The following FKBP10 variants were observed in gnomAD, a reference collection of about 807,000 sequenced individuals.
FKBP10 encodes peptidyl-prolyl cis-trans isomerase FKBP10.
In FKBP10, 34 loss-of-function variants were observed where a neutral mutation model predicts 53.7. The observed-to-expected ratio is 0.63, with a 90% confidence interval of 0.48 to 0.84. FKBP10 has a LOEUF of 0.84. Ranked by LOEUF, FKBP10 falls within the 40% of genes least tolerant of loss-of-function variation. The probability of loss-of-function intolerance (pLI) is 0.00; values close to 1 mark genes in which losing one functional copy is unlikely to be tolerated. For missense variants in FKBP10, 748 were observed against 797.8 expected (o/e 0.94, Z 0.75); for synonymous variants, 324 against 335.7 (o/e 0.97, Z 0.38).
Position 41,813,194 on chromosome 17 carries a change from G to A in FKBP10, c.160G>A (p.Ala54Thr). The A allele has an allele frequency of 1.2e-6, 2 of 1,613,328 alleles. No individual in the cohort carries two copies. The highest frequency in any genetic ancestry group is 1.7e-6 in the Non-Finnish European group (2 of 1,179,972). ...VVIERYHIPR[A>T]CPREVQMGDF... ...CATCGAGAGGTACCACATCCCCAGG[G>A]CCTGTCCCCGGGAAGTGCAGATGGG... Residue 54 changes from alanine to threonine, a missense_variant, in exon 1 of 10, where the codon GCC becomes ACC. By Grantham distance (58) the Ala-to-Thr change is moderately conservative. Coordinates refer to ENST00000321562, the MANE Select transcript of FKBP10 (RefSeq NM_021939.4).
chr17:41,819,881 C>T lies in FKBP10; in HGVS notation c.1063+206C>T, dbSNP rs782100973. On this transcript the variant is annotated intron_variant, in intron 6 of 9. Transcript: ENST00000321562. ...TCCAGGGCAGCGCCCCACTTCGCCC[C>T]TTCCGCAGTGGAGAAGGGCAGCCAA... 1.6e-5 allele frequency: 24 copies of T among 1,543,304 alleles called. No homozygotes were observed. In the South Asian group the frequency reaches 2.8e-4, roughly 18 times the overall value.
chr17:41,818,783 G>A (rs1374689701), intron 4 of FKBP10: 6 of 478,232 alleles, frequency 1.3e-5, no homozygotes, highest in African/African-American at 7.9e-5. Flanking sequence ...GTGAAACCCC[G>A]TCTCTACTAA....
At chr17:41,821,418 C>T (rs537222215) in intron 8 of FKBP10, among the ~76,000 whole-genome samples, 5 of 152,166 alleles carry the variant, frequency 3.3e-5, no homozygotes, top group Non-Finnish European at 7.4e-5. Context: ...CCACTGCGCT[C>T]GGCCCGAGAC....
intron 1 of FKBP10, among the ~76,000 whole-genome samples, chr17:41,816,271 G>A (rs1158251516): frequency 9.7e-6 from 1 of 103,220 alleles, no homozygotes; most frequent in Non-Finnish European, 1.7e-5. Context: ...TCACTCTGTC[G>A]CCAGGCTGGA....
Position 41,818,260 on chromosome 17 carries a change from GCACCTCCTTCGA to G in FKBP10, c.568_579del (p.Phe191_Ser194del). Reference sequence around the variant, plus strand: ...CACTACAATGGCACCCTGCTGGACGGCACCTCCTTCGACACCAGGTGAGGGGCTGGAGGGGAG... The same window carrying G: ...CACTACAATGGCACCCTGCTGGACGGCACCAGGTGAGGGGCTGGAGGGGAG... On this transcript the variant is annotated inframe_deletion, in exon 3 of 10. Transcript: ENST00000321562. The G allele has an allele frequency of 6.2e-7, 1 of 1,613,614 alleles. No homozygotes were observed. Among genetic ancestry groups the G allele is most frequent in the East Asian group, 2.2e-5 (1 of 44,880 alleles).
chr17:41,822,134 A>C (rs1310154074), intron 9 of FKBP10, 89 bp from the exon 10 acceptor site: 9 of 1,288,294 alleles, frequency 7.0e-6, no homozygotes, highest in South Asian at 5.1e-5. Context: ...GAAGAAAAAG[A>C]AAGCACTCAC....
Position 41,823,019 on chromosome 17 carries a change from C to G in FKBP10, c.*611C>G, listed in dbSNP as rs199951618. ...AGCTTTTCATCCCTAAAGAAGGCTC[C>G]TTTCCCTAAGGAACCATAGAAGAGA... On this transcript the variant is annotated 3_prime_UTR_variant, in exon 10 of 10. Coordinates refer to ENST00000321562, the MANE Select transcript of FKBP10 (RefSeq NM_021939.4). The G allele has an allele frequency of 6.0e-5, 1 of 16,642 alleles. No homozygotes were observed. Among genetic ancestry groups the G allele is most frequent in the Admixed American group, 4.5e-4 (1 of 2,208 alleles). 1.0% of individuals were successfully genotyped at this position (16,642 alleles called of 1,614,324 possible). A position where few individuals can be genotyped will look rare whatever the true frequency, so the allele number is the denominator to read the frequency against.
In FKBP10 at chr17:41,819,350, C is replaced by A; in HGVS notation, c.868C>A (p.Arg290Ser). The A allele has an allele frequency of 6.2e-7, 1 of 1,613,830 alleles. No individual in the cohort carries two copies. Among genetic ancestry groups the A allele is most frequent in the South Asian group, 1.1e-5 (1 of 91,070 alleles). The change falls in exon 5 of 10, where the codon CGC becomes AGC. Residue 290 changes from arginine (R) to serine (S), a missense_variant. Arg to Ser is a moderately radical substitution (Grantham distance 110, BLOSUM62 -1). Coordinates refer to ENST00000321562, the MANE Select transcript of FKBP10 (RefSeq NM_021939.4). Reference sequence around the variant, plus strand: ...CAGAGCCGGGGCCGGGGACTTCATGCGCTACCACTACAATGGCTCCTTGAT... The same window carrying A: ...CAGAGCCGGGGCCGGGGACTTCATGAGCTACCACTACAATGGCTCCTTGAT... Reference protein sequence around the residue: ...VRRAGAGDFMRYHYNGSLMDG... With the variant: ...VRRAGAGDFMSYHYNGSLMDG...
At chr17:41,819,861 G>A (rs1268462979) in intron 6 of FKBP10, 186 bp downstream of exon 6, 2 of 1,542,096 alleles carry the variant, frequency 1.3e-6, no homozygotes, top group Admixed American at 2.0e-5. Context: ...TTTCCTCCAG[G>A]GCAGCGCCCC....
intron 1 of FKBP10, among the ~76,000 whole-genome samples, chr17:41,815,778 C>A (rs1159562713): frequency 3.8e-5 from 2 of 52,100 alleles, no homozygotes; most frequent in African/African-American, 1.1e-4. Flanking sequence ...AACCCATGGC[C>A]CCTTCAATTA....
chr17:41,818,308 C>G (rs1597906557), intron 3 of FKBP10, 30 bp downstream of exon 3: 1 of 1,614,096 alleles, frequency 6.2e-7, no homozygotes, highest in Non-Finnish European at 8.5e-7. Context: ...CCCTGAGGCA[C>G]TGGGGACTGT....
rs1362828156 is a variant in FKBP10, at chr17:41,815,771, C to A, written c.246-1287C>A. ...CGCTCGGCCAGAAAACTTTCTTAAC[C>A]CATGGCCCCTTCAATTAAAAAAAAA... On this transcript the variant is annotated intron_variant, in intron 1 of 9. Coordinates refer to ENST00000321562, the MANE Select transcript of FKBP10 (RefSeq NM_021939.4). Among the ~76,000 whole-genome samples, 4 of 96,796 alleles carry A rather than the reference C, an allele frequency of 4.1e-5. No individual in the cohort carries two copies. The East Asian group carries it at 1.6e-3, about 38-fold the overall frequency. The allele number at this position is 96,796 out of a possible 152,430, so 63.5% of individuals were successfully genotyped here.
rs1192640595 is a variant in FKBP10, at chr17:41,820,467, T to TC, written c.1256+8dup. The TC allele has an allele frequency of 4.0e-6, 6 of 1,500,090 alleles. No homozygotes were observed. The African/African-American group carries it at 8.3e-5, about 21-fold the overall frequency. The allele number at this position is 1,500,090 out of a possible 1,614,324, so 92.9% of individuals were successfully genotyped here. A position where few individuals can be genotyped will look rare whatever the true frequency, so the allele number is the denominator to read the frequency against. On this transcript the variant is annotated splice_region_variant and intron_variant, in intron 7 of 9. Transcript: ENST00000321562. ...GGCACCCAGCTGTTCACCTCGTGGG[T>TC]CCGGGGGGGGGCCGGGACTGGGCAG...
At position 41,819,616 on chromosome 17, in the gene FKBP10, T is replaced by C. The variant is rs781853286; in HGVS notation, c.1004T>C (p.Met335Thr). 8.7e-6 allele frequency: 14 copies of C among 1,613,428 alleles called. No homozygotes were observed. Among genetic ancestry groups the C allele is most frequent in the African/African-American group, 5.3e-5 (4 of 74,920 alleles). Residue 335 changes from methionine (M) to threonine (T), a missense_variant, in exon 6 of 10, where the codon ATG (methionine) becomes ACG (threonine). Met to Thr is a moderately conservative substitution (Grantham distance 81). Transcript: ENST00000321562. ...GMDQGLQGACMGERRRITIPP... is the reference protein window; with the variant it reads ...GMDQGLQGACTGERRRITIPP... Reference sequence around the variant, plus strand: ...GACCAGGGGCTGCAGGGTGCCTGCATGGGGGAACGCCGGAGAATTACCATC... The same window carrying C: ...GACCAGGGGCTGCAGGGTGCCTGCACGGGGGAACGCCGGAGAATTACCATC...
chr17:41,817,952 C>A (rs187450434), intron 2 of FKBP10, 137 bp from the exon 3 acceptor site: 225 of 848,120 alleles, frequency 2.7e-4, no homozygotes, highest in Non-Finnish European at 2.8e-4. Context: ...AAAAAAAAAA[C>A]AAAAATAGTG....
At chr17:41,820,758 G>A in intron 7 of FKBP10, 189 bp from the exon 8 acceptor site, 2 of 808,078 alleles carry the variant, frequency 2.5e-6, no homozygotes, top group Non-Finnish European at 3.8e-6. Flanking sequence ...ACTTTAGGGG[G>A]CAGAGGCAAG....
intron 4 of FKBP10, among the ~76,000 whole-genome samples, 162 bp downstream of exon 4, chr17:41,818,689 C>T (rs1456945032): frequency 1.3e-5 from 2 of 152,076 alleles, no homozygotes; most frequent in Non-Finnish European, 1.5e-5. Context: ...GTGCTTTGGC[C>T]GGGCGTGGTG....
Position 41,818,237 on chromosome 17 carries a change from C to G in FKBP10, c.540C>G (p.His180Gln), listed in dbSNP as rs782139957. 1 of 1,613,628 alleles carries G rather than the reference C, an allele frequency of 6.2e-7. No individual in the cohort carries two copies. The highest frequency in any genetic ancestry group is 8.5e-7 in the Non-Finnish European group (1 of 1,180,022). The change falls in exon 3 of 10, where the codon CAC becomes CAG. Residue 180 changes from histidine to glutamine, a missense_variant. Physicochemically the swap from His to Gln is conservative, Grantham distance 24. Transcript: ENST00000321562. ...AGGACGGCGACTTTGTCCGCTACCA[C>G]TACAATGGCACCCTGCTGGACGGCA... Reference protein sequence around the residue: ...MVQDGDFVRYHYNGTLLDGTS... With the variant: ...MVQDGDFVRYQYNGTLLDGTS...
Position 41,819,253 on chromosome 17 carries a change from C to T in FKBP10, c.771C>T (p.Leu257=). The change falls in exon 5 of 10, where the codon CTC becomes CTT. Residue 257 remains leucine, a synonymous_variant. Coordinates refer to ENST00000321562, the MANE Select transcript of FKBP10 (RefSeq NM_021939.4). ...AGGCCTCGCTGGTCTTTCACGTCCTCCTGATTGACGTGCACAACCCGAAGG... is the reference window on the plus strand; with the variant it reads ...AGGCCTCGCTGGTCTTTCACGTCCTTCTGATTGACGTGCACAACCCGAAGG... The part of the protein sequence containing the change: ...PPQASLVFHV[L]LIDVHNPKDA... The T allele has an allele frequency of 6.2e-7, 1 of 1,614,206 alleles. No individual in the cohort carries two copies.
Sources: gnomAD v4.1 joint callset for allele counts (sites outside exome capture counted in the v4.1 genomes callset) on GRCh38, gnomAD v4.1.1 for gene constraint, MANE v1.5 for transcripts, NCBI Gene and HGNC (gene_info 2026-07-23, HGNC 2026-07-21) for gene names.